Variants in ADAMTSL1 observed in about 807,000 individuals in gnomAD.
The protein encoded by ADAMTSL1 is ADAMTS like 1.
Under a neutral mutation model 201.8 loss-of-function variants are expected in ADAMTSL1, and 126 were observed. That is an observed-to-expected ratio of 0.62 (90% CI 0.54 to 0.72). The LOEUF is 0.72. Ranked by LOEUF, ADAMTSL1 falls within the 30% of genes least tolerant of loss-of-function variation. The probability of loss-of-function intolerance (pLI) is 0.00; values close to 1 mark genes in which losing one functional copy is unlikely to be tolerated. For synonymous variants in ADAMTSL1, 1,121 were observed against 903.4 expected, an observed-to-expected ratio of 1.24 and a Z score of -4.32; for missense variants, 2,679 against 2,277.8, an observed-to-expected ratio of 1.18 and a Z score of -3.59.
At chr9:18,248,777 C>T (rs1336832770) in intron 2 of ADAMTSL1, among the ~76,000 whole-genome samples, 1 of 152,158 alleles carries the variant, frequency 6.6e-6, no homozygotes, top group East Asian at 1.9e-4. Flanking sequence ...CCGATTCACT[C>T]TCTGACTGTC....
chr9:18,254,659 G>GC (rs551392654), intron 2 of ADAMTSL1, among the ~76,000 whole-genome samples: 163 of 98,650 alleles, frequency 1.7e-3, no homozygotes, highest in Middle Eastern at 0.012. Flanking sequence ...CACCGCGCCT[G>GC]CCCCCCCGCC....
chr9:18,028,184 T>C (rs576755050), intron 1 of ADAMTSL1, among the ~76,000 whole-genome samples: 1 of 152,198 alleles, frequency 6.6e-6, no homozygotes, highest in Non-Finnish European at 1.5e-5. Flanking sequence ...GAGGTGTTGT[T>C]CCTGTCGTGA....
intron 2 of ADAMTSL1, among the ~76,000 whole-genome samples, chr9:18,435,326 T>C (rs1303220706): frequency 6.6e-6 from 1 of 152,210 alleles, no homozygotes; most frequent in African/African-American, 2.4e-5. Flanking sequence ...TAGCAAATAT[T>C]CATTTATTTG....
At chr9:18,247,944 A>C (rs369014136) in intron 2 of ADAMTSL1, among the ~76,000 whole-genome samples, 2 of 152,030 alleles carry the variant, frequency 1.3e-5, no homozygotes, top group African/African-American at 4.8e-5. Flanking sequence ...AGATGGCTTG[A>C]TCTGTCAGCC....
intron 2 of ADAMTSL1, among the ~76,000 whole-genome samples, chr9:18,409,037 T>C (rs1818319454): frequency 6.6e-6 from 1 of 152,112 alleles, no homozygotes; most frequent in Non-Finnish European, 1.5e-5. Flanking sequence ...AAATTAGAAC[T>C]ATAAGGAATA....
At chr9:18,565,050 C>T (rs933197670) in intron 3 of ADAMTSL1, among the ~76,000 whole-genome samples, 1 of 152,206 alleles carries the variant, frequency 6.6e-6, no homozygotes, top group African/African-American at 2.4e-5. Context: ...CTTAGATCAA[C>T]TCTCAGATGC....
intron 24 of ADAMTSL1, among the ~76,000 whole-genome samples, 163 bp from the exon 25 acceptor site, chr9:18,889,405 G>A (rs181488601): frequency 1.5e-4 from 23 of 152,314 alleles, no homozygotes; most frequent in Admixed American, 1.4e-3. Context: ...CAAATAGTTC[G>A]GGAATGGTTC....
intron 1 of ADAMTSL1, among the ~76,000 whole-genome samples, chr9:18,069,954 A>C (rs973072184): frequency 2.6e-5 from 4 of 152,190 alleles, no homozygotes; most frequent in Admixed American, 6.5e-5. Context: ...CCTATAGTTG[A>C]ATCTTTGGTT....
At chr9:17,962,331 T>C (rs893904714) in intron 1 of ADAMTSL1, among the ~76,000 whole-genome samples, 1 of 152,164 alleles carries the variant, frequency 6.6e-6, no homozygotes, top group Non-Finnish European at 1.5e-5. Context: ...ACAGGATACC[T>C]TTTGAACACT....
intron 1 of ADAMTSL1, among the ~76,000 whole-genome samples, chr9:17,954,045 G>C (rs1827838235): frequency 1.3e-5 from 2 of 152,314 alleles, no homozygotes; most frequent in South Asian, 4.1e-4. Context: ...GGCTGGGATA[G>C]TTGGAAGGTC....
At chr9:18,010,621 G>A (rs953923) in intron 1 of ADAMTSL1, among the ~76,000 whole-genome samples, 15,430 of 151,866 alleles carry the variant, frequency 0.1, 1,015 homozygotes, top group Admixed American at 0.17. Context: ...CCTAAGTATC[G>A]TCAGTGCTGT....
At chr9:18,114,717 T>C (rs188500746) in intron 1 of ADAMTSL1, among the ~76,000 whole-genome samples, 22 of 152,234 alleles carry the variant, frequency 1.4e-4, no homozygotes, top group Admixed American at 1.2e-3. Flanking sequence ...CTGATGAATA[T>C]TGGCAGCCTA....
intron 1 of ADAMTSL1, among the ~76,000 whole-genome samples, chr9:18,065,448 A>G (rs916970186): frequency 1.3e-5 from 2 of 152,196 alleles, no homozygotes; most frequent in African/African-American, 4.8e-5. Context: ...TTTATGTACC[A>G]TTATAATTTT....
intron 1 of ADAMTSL1, among the ~76,000 whole-genome samples, chr9:18,131,549 T>G (rs1275075373): frequency 6.6e-6 from 1 of 152,192 alleles, no homozygotes; most frequent in Non-Finnish European, 1.5e-5. Flanking sequence ...GAGATTTCAC[T>G]TTGAGCTTCC....
chr9:18,780,262 A>G (rs1821314530), intron 19 of ADAMTSL1, among the ~76,000 whole-genome samples: 1 of 152,188 alleles, frequency 6.6e-6, no homozygotes, highest in Admixed American at 6.5e-5. Context: ...TCTTCATTTC[A>G]TAAATGAGGA....
chr9:18,319,978 T>A (rs1345238533), intron 2 of ADAMTSL1, among the ~76,000 whole-genome samples: 1 of 152,180 alleles, frequency 6.6e-6, no homozygotes, highest in Non-Finnish European at 1.5e-5. Flanking sequence ...GAAACACTGT[T>A]TCTAGCTTTG....
rs1284742780 is a variant in ADAMTSL1 at position 18,706,834 on chromosome 9, T to C, written c.1662T>C (p.Ser554=). The change falls in exon 14 of 29, where the codon TCT becomes TCC. Residue 554 remains serine (S), a synonymous_variant. Coordinates refer to ENST00000380548, the MANE Select transcript of ADAMTSL1 (RefSeq NM_001040272.6). ...TAGTCAGGTGCCAGGTGCTCCTGTC[T>C]TTCTCTCAGTCCGTGGCTGACCTGC... The part of the protein sequence containing the change: ...VRIVRCQVLL[S]FSQSVADLPI... The C allele has an allele frequency of 6.2e-7, 1 of 1,612,338 alleles. No individual in the cohort carries two copies. Among genetic ancestry groups the C allele is most frequent in the Non-Finnish European group, 8.5e-7 (1 of 1,179,124 alleles).
At chr9:18,434,228 AG>A (rs967662613) in intron 2 of ADAMTSL1, among the ~76,000 whole-genome samples, 8 of 152,170 alleles carry the variant, frequency 5.3e-5, no homozygotes, top group African/African-American at 1.7e-4. Flanking sequence ...GGGTCATAAA[AG>A]CTTTGGGCAA....
At chr9:18,256,950 C>T (rs559099907) in intron 2 of ADAMTSL1, among the ~76,000 whole-genome samples, 1 of 152,268 alleles carries the variant, frequency 6.6e-6, no homozygotes, top group African/African-American at 2.4e-5. Context: ...CCAGAGAAGT[C>T]CCAGAGACAG....
Sources: gnomAD v4.1 joint callset for allele counts (sites outside exome capture counted in the v4.1 genomes callset) on GRCh38, gnomAD v4.1.1 for gene constraint, MANE v1.5 for transcripts, NCBI Gene and HGNC (gene_info 2026-07-23, HGNC 2026-07-21) for gene names.